The following SRCAP variants were observed in gnomAD, a reference collection of about 807,000 sequenced individuals.
The protein encoded by SRCAP is chromatin remodeling protein SRCAP.
Under a neutral mutation model 263.1 loss-of-function variants are expected in SRCAP, and 46 were observed. The observed-to-expected ratio is 0.17, with a 90% CI of 0.14 to 0.22. SRCAP has a LOEUF of 0.22. Among genes scored for constraint, SRCAP ranks in the 10% least tolerant of loss-of-function variants. The pLI is 1.00. For missense variants in SRCAP, 3,695 were observed against 4,181.9 expected (o/e 0.88, Z 3.21); for synonymous variants, 1,813 against 1,662.1 (o/e 1.09, Z -2.21).
In SRCAP at chr16:30,740,859, G is replaced by A. The variant is rs1044198819; in HGVS notation, c.*1126G>A. The A allele has an allele frequency of 1.3e-5, 2 of 152,196 alleles. No individual in the cohort carries two copies. The highest frequency in any genetic ancestry group is 4.8e-5 in the African/African-American group (2 of 41,422). 9.4% of individuals were successfully genotyped at this position (152,196 alleles called of 1,614,324 possible). On this transcript the variant is annotated 3_prime_UTR_variant, in exon 34 of 34. Transcript: ENST00000262518. ...ACACATCATTCTTTGCTCTCTACTT[G>A]TCTCGCCCCTTTCACCTTTCCTATC...
intron 17 of SRCAP, 21 bp downstream of exon 17, chr16:30,716,223 G>A (rs747077427): frequency 1.9e-5 from 31 of 1,613,662 alleles, no homozygotes; most frequent in Non-Finnish European, 2.5e-5. Context: ...AAGGAGGGTG[G>A]GCCCTGGGAC....
Position 30,733,650 on chromosome 16 carries a change from C to G in SRCAP, c.6346C>G (p.Leu2116Val), listed in dbSNP as rs1328329459. Residue 2116 changes from leucine (L) to valine (V), a missense_variant, in exon 29 of 34, where the codon CTT (leucine) becomes GTT (valine). Leu to Val is a conservative substitution (Grantham distance 32). Around this residue, in one of 12 missense-constraint regions of SRCAP, gnomAD observed 138 missense variants for 254.9 expected, o/e 0.54. Coordinates refer to ENST00000262518, the MANE Select transcript of SRCAP (RefSeq NM_006662.3). This position sits in a 1 kb window ranked among gnomAD's most constrained non-coding sequence, Gnocchi z 5.3. Reference protein sequence around the residue: ...NADKRIFCFILSTRSGGVGVN... With the variant: ...NADKRIFCFIVSTRSGGVGVN... Reference sequence around the variant, plus strand: ...AGACAAACGCATATTCTGCTTCATCCTTTCAACTCGGAGTGGGGGTGTGGG... The same window carrying G: ...AGACAAACGCATATTCTGCTTCATCGTTTCAACTCGGAGTGGGGGTGTGGG... 3.1e-6 allele frequency: 5 copies of G among 1,614,002 alleles called. No homozygotes were observed. The highest frequency in any genetic ancestry group is 4.2e-6 in the Non-Finnish European group (5 of 1,180,034).
chr16:30,724,196 C>G lies in SRCAP; in HGVS notation c.4772C>G (p.Ala1591Gly). The change falls in exon 25 of 34, where the codon GCG (alanine) becomes GGG (glycine). Residue 1591 changes from alanine (A) to glycine (G), a missense_variant. Coordinates refer to ENST00000262518, the MANE Select transcript of SRCAP (RefSeq NM_006662.3). Reference protein sequence around the residue: ...QALATPLAPMAAPQTAILAPS... With the variant: ...QALATPLAPMGAPQTAILAPS... Reference sequence around the variant, plus strand: ...CTAGCCACCCCTCTGGCTCCTATGGCGGCTCCACAGACAGCAATTCTGGCT... The same window carrying G: ...CTAGCCACCCCTCTGGCTCCTATGGGGGCTCCACAGACAGCAATTCTGGCT... 6.2e-7 allele frequency: 1 copy of G among 1,614,096 alleles called. No homozygotes were observed. The highest frequency in any genetic ancestry group is 1.1e-5 in the South Asian group (1 of 91,078).
intron 25 of SRCAP, among the ~76,000 whole-genome samples, 167 bp from the exon 26 acceptor site, chr16:30,728,794 ATAACT>A (rs1201960525): frequency 2.0e-5 from 3 of 152,210 alleles, no homozygotes; most frequent in Admixed American, 6.5e-5. Flanking sequence ...GTTATTTAAC[ATAACT>A]TCTGAGAAAG....
chr16:30,731,387 A>G (rs1297816712), intron 27 of SRCAP, among the ~76,000 whole-genome samples: 1 of 152,198 alleles, frequency 6.6e-6, no homozygotes, highest in Non-Finnish European at 1.5e-5. Flanking sequence ...CTATTGGGTA[A>G]GTGACTAGTT....
At chr16:30,717,135 AC>A (rs2052958617) in intron 18 of SRCAP, among the ~76,000 whole-genome samples, 1 of 151,924 alleles carries the variant, frequency 6.6e-6, no homozygotes, top group South Asian at 2.1e-4. Flanking sequence ...TTTTAATTAC[AC>A]CCATATTAAT....
chr16:30,700,736 A>G lies in SRCAP; in HGVS notation c.-89A>G. Reference sequence around the variant, plus strand: ...GAGGCCAGCTCCCAGCATGCCCTGCAGCCGGACGCCAGCCCCTCGGCCAGC... The same window carrying G: ...GAGGCCAGCTCCCAGCATGCCCTGCGGCCGGACGCCAGCCCCTCGGCCAGC... On this transcript the variant is annotated 5_prime_UTR_variant, in exon 3 of 34. Coordinates refer to ENST00000262518, the MANE Select transcript of SRCAP (RefSeq NM_006662.3). The G allele has an allele frequency of 1.5e-6, 2 of 1,311,930 alleles. No individual in the cohort carries two copies. Among genetic ancestry groups the G allele is most frequent in the Admixed American group, 3.8e-5 (2 of 53,280 alleles). The allele number at this position is 1,311,930 out of a possible 1,614,324, so 81.3% of individuals were successfully genotyped here.
rs748556220 is a variant in SRCAP at position 30,707,654 on chromosome 16, G to A, written c.575G>A (p.Arg192His). Residue 192 changes from arginine (R) to histidine (H), a missense_variant, in exon 6 of 34, where the codon CGT becomes CAT. By Grantham distance (29) the Arg-to-His change is conservative. Coordinates refer to ENST00000262518, the MANE Select transcript of SRCAP (RefSeq NM_006662.3). ...CGGAGGGAGGAGCAGGCCAAGCTGCGTCGAATTGCTTCCACCATGGCCAAG... is the reference window on the plus strand; with the variant it reads ...CGGAGGGAGGAGCAGGCCAAGCTGCATCGAATTGCTTCCACCATGGCCAAG... ...RARREEQAKL[R>H]RIASTMAKDV... 1 of 1,614,140 alleles carries A rather than the reference G, an allele frequency of 6.2e-7. No homozygotes were observed. Among genetic ancestry groups the A allele is most frequent in the Non-Finnish European group, 8.5e-7 (1 of 1,180,022 alleles).
intron 30 of SRCAP, 186 bp from the exon 31 acceptor site, chr16:30,734,310 T>C: frequency 1.2e-6 from 1 of 843,218 alleles, no homozygotes; most frequent in Non-Finnish European, 1.8e-6. Flanking sequence ...GCCATTGCAC[T>C]TTAGCCTGGG....
intron 18 of SRCAP, among the ~76,000 whole-genome samples, chr16:30,719,318 G>C (rs1000033817): frequency 1.1e-4 from 17 of 151,408 alleles, no homozygotes; most frequent in African/African-American, 3.6e-4. Flanking sequence ...CCAGGTTTAA[G>C]CAATTCTCCA....
At position 30,739,110 on chromosome 16, in the gene SRCAP, G is replaced by T; in HGVS notation, c.9070G>T (p.Val3024Phe). 1 of 1,614,186 alleles carries T rather than the reference G, an allele frequency of 6.2e-7. No individual in the cohort carries two copies. The highest frequency in any genetic ancestry group is 8.5e-7 in the Non-Finnish European group (1 of 1,180,032). Residue 3024 changes from valine to phenylalanine, a missense_variant, in exon 34 of 34, where the codon GTC becomes TTC. Val to Phe is a conservative substitution (Grantham distance 50, BLOSUM62 -1). This residue lies in a region of SRCAP where 1,207 missense variants were observed against 1,142.9 expected (regional missense o/e 1.06). Transcript: ENST00000262518. ...PPSPRPSQLP[V>F]LDRDSTSVLE... ...ATCACCTCGGCCCAGCCAGCTCCCC[G>T]TCTTGGACCGTGACAGCACTTCTGT...
In SRCAP at chr16:30,739,695, C is replaced by G. The variant is rs1290504654; in HGVS notation, c.9655C>G (p.Pro3219Ala). Residue 3219 changes from proline (P) to alanine (A), a missense_variant, in exon 34 of 34, where the codon CCT (proline) becomes GCT (alanine). Transcript: ENST00000262518. ...RSSAPPSLAG[P>A]AVSHRGRKAK... ...CAGCGCCCCTCCCTCCCTGGCTGGCCCTGCTGTTAGTCACAGAGGCCGCAA... is the reference window on the plus strand; with the variant it reads ...CAGCGCCCCTCCCTCCCTGGCTGGCGCTGCTGTTAGTCACAGAGGCCGCAA... The G allele has an allele frequency of 3.9e-6, 6 of 1,524,894 alleles. No homozygotes were observed. Among genetic ancestry groups the G allele is most frequent in the African/African-American group, 1.4e-5 (1 of 71,922 alleles). The allele number at this position is 1,524,894 out of a possible 1,614,324, so 94.5% of individuals were successfully genotyped here. A position where few individuals can be genotyped will look rare whatever the true frequency, so the allele number is the denominator to read the frequency against.
At position 30,736,531 on chromosome 16, in the gene SRCAP, C is replaced by T; in HGVS notation, c.6925-10C>T. The T allele has an allele frequency of 6.2e-7, 1 of 1,614,184 alleles. No individual in the cohort carries two copies. Among genetic ancestry groups the T allele is most frequent in the Non-Finnish European group, 8.5e-7 (1 of 1,180,034 alleles). ...GTTCCTAAGTTTATCACCACCGCTC[C>T]TCCTTGCAGCTGACCCCCATTGAGC... On this transcript the variant is annotated splice_polypyrimidine_tract_variant and intron_variant, in intron 32 of 33. Transcript: ENST00000262518.
chr16:30,724,542 C>G lies in SRCAP; in HGVS notation c.5118C>G (p.Asn1706Lys). 1 of 1,614,190 alleles carries G rather than the reference C, an allele frequency of 6.2e-7. No individual in the cohort carries two copies. The highest frequency in any genetic ancestry group is 8.5e-7 in the Non-Finnish European group (1 of 1,180,040). ...AGACACTCTCTTTGGGAACGGGGAACCCCCAGGGACCCTTTCCAACTCAGA... is the reference window on the plus strand; with the variant it reads ...AGACACTCTCTTTGGGAACGGGGAAGCCCCAGGGACCCTTTCCAACTCAGA... ...PSQTLSLGTGNPQGPFPTQTL... is the reference protein window; with the variant it reads ...PSQTLSLGTGKPQGPFPTQTL... The change falls in exon 25 of 34, where the codon AAC becomes AAG. Residue 1706 changes from asparagine to lysine, a missense_variant. Asn to Lys is a moderately conservative substitution (Grantham distance 94). This residue lies in a region of SRCAP where 1,347 missense variants were observed against 1,304.4 expected (regional missense o/e 1.03). Coordinates refer to ENST00000262518, the MANE Select transcript of SRCAP (RefSeq NM_006662.3).
intron 18 of SRCAP, among the ~76,000 whole-genome samples, 169 bp downstream of exon 18, chr16:30,716,648 A>T (rs2052954091): frequency 6.6e-6 from 1 of 152,130 alleles, no homozygotes; most frequent in Non-Finnish European, 1.5e-5. Flanking sequence ...TCAACTTAAT[A>T]TTTTTTTGAC....
chr16:30,701,552 G>A (rs2052766539), intron 3 of SRCAP: 2 of 151,982 alleles, frequency 1.3e-5, no homozygotes, highest in South Asian at 4.1e-4. Flanking sequence ...GTGGCGCAGT[G>A]TAAGGCTTAT....
At chr16:30,704,011 C>T (rs2052797932) in intron 3 of SRCAP, 53 bp from the exon 4 acceptor site, 1 of 1,537,380 alleles carries the variant, frequency 6.5e-7, no homozygotes, top group Admixed American at 2.0e-5. Context: ...GTATCTAAAA[C>T]ACTCAGCACA....
At position 30,739,438 on chromosome 16, in the gene SRCAP, CTGAGAA is replaced by C; in HGVS notation, c.9399_9404del (p.Glu3134_Lys3135del). The C allele has an allele frequency of 6.2e-7, 1 of 1,614,222 alleles. No homozygotes were observed. Among genetic ancestry groups the C allele is most frequent in the Non-Finnish European group, 8.5e-7 (1 of 1,180,038 alleles). On this transcript the variant is annotated inframe_deletion, in exon 34 of 34. Coordinates refer to ENST00000262518, the MANE Select transcript of SRCAP (RefSeq NM_006662.3). ...GGGTCTCTAGTCCCCCCACTAGAGA[CTGAGAA>C]GTTGCCTCGCAAACGAGCAGGGGCC...
intron 31 of SRCAP, among the ~76,000 whole-genome samples, chr16:30,735,218 C>G (rs1019382131): frequency 3.9e-4 from 55 of 141,342 alleles, no homozygotes; most frequent in African/African-American, 1.6e-3. Context: ...GGGATCTCGG[C>G]TCACTGCAAG....
Sources: gnomAD v4.1 joint callset for allele counts (sites outside exome capture counted in the v4.1 genomes callset) on GRCh38, gnomAD v4.1.1 for gene constraint, gnomAD v4.1.1 regional missense constraint, Gnocchi (gnomAD v3.1) non-coding constraint, MANE v1.5 for transcripts, NCBI Gene and HGNC (gene_info 2026-07-23, HGNC 2026-07-21) for gene names.